PHLDB2: variants seen among roughly 807,000 people sequenced by gnomAD.
The protein encoded by PHLDB2 is pleckstrin homology like domain family B member 2, also known as pleckstrin homology-like domain family B member 2.
A neutral mutation model predicts 123.6 loss-of-function variants in PHLDB2; 71 were observed. The ratio of observed to expected loss-of-function variants is 0.57; its 90% CI spans 0.47 to 0.70. The LOEUF is 0.70. PHLDB2 is among the 30% of genes least tolerant of loss of function. PHLDB2 has a pLI of 0.00. For missense variants in PHLDB2, 1,446 were observed against 1,519.5 expected, an observed-to-expected ratio of 0.95 and a Z score of 0.80; for synonymous variants, 547 against 541.6, an observed-to-expected ratio of 1.01 and a Z score of -0.14.
chr3:111,740,217 C>T (rs964390914), intron 1 of PHLDB2, among the ~76,000 whole-genome samples: 1 of 152,096 alleles, frequency 6.6e-6, no homozygotes, highest in African/African-American at 2.4e-5. Context: ...CCCTGAAGAA[C>T]CACAATCACA....
At chr3:111,759,679 CA>C (rs1304080687) in intron 1 of PHLDB2, among the ~76,000 whole-genome samples, 1 of 152,074 alleles carries the variant, frequency 6.6e-6, no homozygotes, top group African/African-American at 2.4e-5. Context: ...GGACATTATC[CA>C]AATCAGTCAT....
At chr3:111,796,759 C>T (rs1305937123) in intron 1 of PHLDB2, among the ~76,000 whole-genome samples, 1 of 152,032 alleles carries the variant, frequency 6.6e-6, no homozygotes, top group Non-Finnish European at 1.5e-5. Context: ...ACTCCTGACC[C>T]GCCTTGACCC....
At chr3:111,855,404 T>TCTTCCTTC (rs148886147), upstream of PHLDB2, among the ~76,000 whole-genome samples, 1 of 151,300 alleles carries the variant, frequency 6.6e-6, no homozygotes, top group African/African-American at 2.4e-5. Context: ...ACTCTCTCTT[T>TCTTCCTTC]CTTCCTTCCT....
chr3:111,845,687 T>G (rs1407684808), intron 1 of PHLDB2: 3 of 1,006,120 alleles, frequency 3.0e-6, no homozygotes, highest in Non-Finnish European at 4.4e-6. Flanking sequence ...CGTCTGTTTT[T>G]CAACTTCAGC....
intron 2 of PHLDB2, among the ~76,000 whole-genome samples, chr3:111,850,682 T>C (rs1428580551): frequency 6.6e-6 from 1 of 152,094 alleles, no homozygotes; most frequent in Non-Finnish European, 1.5e-5. Flanking sequence ...GAGGATGGCT[T>C]GAGTCCAGGT....
chr3:111,928,606 T>C (rs2068939293), intron 5 of PHLDB2, among the ~76,000 whole-genome samples: 1 of 152,222 alleles, frequency 6.6e-6, no homozygotes, highest in Admixed American at 6.5e-5. Flanking sequence ...TCAATTGTTA[T>C]TGAGCAAATG....
chr3:111,932,158 T>C (rs2069184688), intron 5 of PHLDB2, 111 bp from the exon 6 acceptor site: 2 of 1,171,296 alleles, frequency 1.7e-6, no homozygotes, highest in South Asian at 3.2e-5. Context: ...ATTCATAGAT[T>C]GTCCAGAGTT....
At chr3:111,754,295 T>C (rs1445028357) in intron 1 of PHLDB2, among the ~76,000 whole-genome samples, 6 of 145,546 alleles carry the variant, frequency 4.1e-5, no homozygotes, top group Non-Finnish European at 7.5e-5. Context: ...TGGAATGTTC[T>C]TCCATTTGTT....
chr3:111,946,827 A>T (rs1484745975), intron 9 of PHLDB2, among the ~76,000 whole-genome samples: 1 of 152,252 alleles, frequency 6.6e-6, no homozygotes, highest in Non-Finnish European at 1.5e-5. Context: ...GATCATAAAA[A>T]GTAAGAGAGG....
chr3:111,907,764 T>G (rs2067635732), intron 2 of PHLDB2, among the ~76,000 whole-genome samples: 1 of 152,136 alleles, frequency 6.6e-6, no homozygotes, highest in South Asian at 2.1e-4. Flanking sequence ...AGTTTGGGGA[T>G]TACAGGTGTG....
At chr3:111,937,093 T>G (rs2069543295) in intron 6 of PHLDB2, among the ~76,000 whole-genome samples, 2 of 152,212 alleles carry the variant, frequency 1.3e-5, no homozygotes, top group African/African-American at 4.8e-5. Flanking sequence ...TTAAGAAATG[T>G]TGAATATGTT....
chr3:111,871,231 A>G (rs542046479), intron 1 of PHLDB2, among the ~76,000 whole-genome samples: 6 of 152,338 alleles, frequency 3.9e-5, no homozygotes, highest in African/African-American at 1.2e-4. Flanking sequence ...GGAATTCTCC[A>G]TACTCACTTC....
chr3:111,882,721 A>G (rs1388867378), intron 1 of PHLDB2, among the ~76,000 whole-genome samples: 2 of 152,186 alleles, frequency 1.3e-5, no homozygotes, highest in Non-Finnish European at 2.9e-5. Flanking sequence ...CCTTCTGGAT[A>G]AAGAAGCAGC....
chr3:111,960,428 A>G (rs190254928), intron 12 of PHLDB2, among the ~76,000 whole-genome samples: 9 of 152,348 alleles, frequency 5.9e-5, no homozygotes, highest in Admixed American at 5.9e-4. Flanking sequence ...ATTTTCCCAG[A>G]AATGTCTGAA....
intron 1 of PHLDB2, among the ~76,000 whole-genome samples, chr3:111,764,949 A>C (rs1178022050): frequency 6.6e-6 from 1 of 152,212 alleles, no homozygotes; most frequent in African/African-American, 2.4e-5. Flanking sequence ...CGACATCACC[A>C]TGAAGAGGAA....
At chr3:111,766,270 G>A (rs898433301) in intron 1 of PHLDB2, among the ~76,000 whole-genome samples, 2 of 145,966 alleles carry the variant, frequency 1.4e-5, no homozygotes, top group African/African-American at 2.4e-5. Flanking sequence ...GTAAAACTCC[G>A]TCTCTACAAC....
chr3:111,911,887 T>C lies in PHLDB2; in HGVS notation c.1336-1432T>C, dbSNP rs921207573. On this transcript the variant is annotated intron_variant, in intron 2 of 17. Coordinates refer to ENST00000431670, the MANE Select transcript of PHLDB2 (RefSeq NM_001134438.2). ...GTATTTAATGGAACCTAAGGAGTTATGTTGGTCTGTTCCTATTTGACTTTT... is the reference window on the plus strand; with the variant it reads ...GTATTTAATGGAACCTAAGGAGTTACGTTGGTCTGTTCCTATTTGACTTTT... 2.0e-4 allele frequency among the ~76,000 whole-genome samples: 30 copies of C among 152,248 alleles called. 1 individual carries two copies. The highest frequency in any genetic ancestry group is 6.0e-4 in the African/African-American group (25 of 41,460).
rs577805725 is a variant in PHLDB2, at chr3:111,939,103, C to T, written c.2131-372C>T. 6.6e-5 allele frequency among the ~76,000 whole-genome samples: 10 copies of T among 152,282 alleles called. No individual in the cohort carries two copies. In the South Asian group the frequency reaches 8.3e-4, roughly 13 times the overall value. ...GATTACATGCATGAGCCACCCACCA[C>T]GCCTGGCCAAGAAGAATTTTCTTGT... On this transcript the variant is annotated intron_variant, in intron 6 of 17. Transcript: ENST00000431670.
chr3:111,859,728 G>T, intron 1 of PHLDB2, 152 bp downstream of exon 1: 1 of 985,394 alleles, frequency 1.0e-6, no homozygotes, highest in Non-Finnish European at 1.2e-6. Flanking sequence ...GGCAGTGGCT[G>T]CCCGGGCCGA....
Sources: allele counts gnomAD v4.1 joint callset (sites outside exome capture counted in the v4.1 genomes callset), GRCh38; gene constraint gnomAD v4.1.1; transcripts MANE v1.5; gene names NCBI Gene and HGNC (gene_info 2026-07-23, HGNC 2026-07-21).